The following OR1N2 variants were observed in gnomAD, a reference collection of about 807,000 sequenced individuals.
OR1N2 encodes the protein olfactory receptor 1N2.
For missense variants in OR1N2, 358 were observed against 380.2 expected, an observed-to-expected ratio of 0.94 and a Z score of 0.49; for synonymous variants, 152 against 149.3, an observed-to-expected ratio of 1.02 and a Z score of -0.13.
At position 122,553,404 on chromosome 9, in the gene OR1N2, T is replaced by C. The variant is rs767770738; in HGVS notation, c.193T>C (p.Phe65Leu). ...DPHLHTPMYF[F>L]LANLSLTDAC... Reference sequence around the variant, plus strand: ...ACACCTCCATACTCCCATGTACTTCTTTCTGGCCAACCTGTCATTAACTGA... The same window carrying C: ...ACACCTCCATACTCCCATGTACTTCCTTCTGGCCAACCTGTCATTAACTGA... Residue 65 changes from phenylalanine to leucine, a missense_variant, in exon 1 of 1, where the codon TTT becomes CTT. Physicochemically the swap from Phe to Leu is conservative, Grantham distance 22. Coordinates refer to ENST00000373688, the MANE Select transcript of OR1N2 (RefSeq NM_001004457.2). 4.3e-6 allele frequency: 7 copies of C among 1,614,054 alleles called. No homozygotes were observed. The highest frequency in any genetic ancestry group is 5.1e-6 in the Non-Finnish European group (6 of 1,180,032).
At position 122,553,973 on chromosome 9, in the gene OR1N2, CTATGGGTCTCT is replaced by C. The variant is rs1258363299; in HGVS notation, c.770_780del (p.Ser257CysfsTer16). On this transcript the variant is annotated frameshift_variant, in exon 1 of 1. Transcript: ENST00000373688. LOFTEE classifies it low-confidence loss of function (END_TRUNC). Reference sequence around the variant, plus strand: ...CTCATCTCACGGTGGTTCTGCTCTTCTATGGGTCTCTTATGGGTGTGTATTTACTTCCTCCA... The same window carrying C: ...CTCATCTCACGGTGGTTCTGCTCTTCTATGGGTGTGTATTTACTTCCTCCA... The C allele has an allele frequency of 4.3e-5, 70 of 1,613,750 alleles. No homozygotes were observed. The highest frequency in any genetic ancestry group is 5.7e-5 in the Non-Finnish European group (67 of 1,179,756).
In OR1N2 at chr9:122,553,467, G is replaced by A; in HGVS notation, c.256G>A (p.Ala86Thr). The change falls in exon 1 of 1, where the codon GCC becomes ACC. Residue 86 changes from alanine (A) to threonine (T), a missense_variant. By Grantham distance (58) the Ala-to-Thr change is moderately conservative (BLOSUM62 0). Coordinates refer to ENST00000373688, the MANE Select transcript of OR1N2 (RefSeq NM_001004457.2). ...TTCTGCCTCCATCCCCAAAATGCTG[G>A]CCAACATTCATACCCAGAGTCAGAT... The part of the protein sequence containing the change: ...FTSASIPKML[A>T]NIHTQSQIIS... 1 of 1,613,924 alleles carries A rather than the reference G, an allele frequency of 6.2e-7. No homozygotes were observed. Among genetic ancestry groups the A allele is most frequent in the South Asian group, 1.1e-5 (1 of 91,060 alleles).
In OR1N2 at chr9:122,553,222, C is replaced by G; in HGVS notation, c.11C>G (p.Pro4Arg). 2 of 1,613,542 alleles carry G rather than the reference C, an allele frequency of 1.2e-6. No homozygotes were observed. Among genetic ancestry groups the G allele is most frequent in the Non-Finnish European group, 1.7e-6 (2 of 1,179,602 alleles). ...CACGAACTACAAGGGATGGGAAAAC[C>G]AGGCAGAGTGAACCAAACCACTGTT... MGKPGRVNQTTVSD... is the reference protein window; with the variant it reads MGKRGRVNQTTVSD... Residue 4 changes from proline to arginine, a missense_variant, in exon 1 of 1, where the codon CCA (proline) becomes CGA (arginine). Physicochemically the swap from Pro to Arg is moderately radical, Grantham distance 103. Coordinates refer to ENST00000373688, the MANE Select transcript of OR1N2 (RefSeq NM_001004457.2).
chr9:122,553,280 G>A lies in OR1N2; in HGVS notation c.69G>A (p.Trp23Ter), dbSNP rs1348232030. The stretch of plus-strand genomic sequence containing the variant: ...TCCTCCTTCTAGGACTCTCTGAGTG[G>A]CCAGAGGAGCAGCCTCTTCTGTTTG... The part of the protein sequence containing the change: ...SDFLLLGLSE[W>*]PEEQPLLFGI... The change falls in exon 1 of 1, where the codon TGG becomes TGA. Residue 23 changes from tryptophan (W) to a stop codon, truncating the protein, a stop_gained. Coordinates refer to ENST00000373688, the MANE Select transcript of OR1N2 (RefSeq NM_001004457.2). LOFTEE classifies it low-confidence loss of function (END_TRUNC). The A allele has an allele frequency of 6.2e-7, 1 of 1,613,710 alleles. No individual in the cohort carries two copies. The highest frequency in any genetic ancestry group is 8.5e-7 in the Non-Finnish European group (1 of 1,179,794).
rs1829219602 is a variant in OR1N2 at position 122,553,434 on chromosome 9, T to C, written c.223T>C (p.Cys75Arg). 1.2e-6 allele frequency: 2 copies of C among 1,614,060 alleles called. No homozygotes were observed. The highest frequency in any genetic ancestry group is 2.7e-5 in the African/African-American group (2 of 74,920). ...GGCCAACCTGTCATTAACTGATGCCTGTTTCACTTCTGCCTCCATCCCCAA... is the reference window on the plus strand; with the variant it reads ...GGCCAACCTGTCATTAACTGATGCCCGTTTCACTTCTGCCTCCATCCCCAA... ...FLANLSLTDA[C>R]FTSASIPKML... The change falls in exon 1 of 1, where the codon TGT becomes CGT. Residue 75 changes from cysteine to arginine, a missense_variant. Cys to Arg is a radical substitution (Grantham distance 180, BLOSUM62 -3). Coordinates refer to ENST00000373688, the MANE Select transcript of OR1N2 (RefSeq NM_001004457.2).
In OR1N2 at chr9:122,553,256, C is replaced by T. The variant is rs141320124; in HGVS notation, c.45C>T (p.Phe15=). The T allele has an allele frequency of 1.8e-4, 291 of 1,613,700 alleles. No individual in the cohort carries two copies. The highest frequency in any genetic ancestry group is 2.3e-4 in the Non-Finnish European group (274 of 1,179,744). Residue 15 remains phenylalanine (F), a synonymous_variant, in exon 1 of 1, where the codon TTC becomes TTT. Transcript: ENST00000373688. The part of the protein sequence containing the change: ...GRVNQTTVSD[F]LLLGLSEWPE... ...TGAACCAAACCACTGTTTCAGACTT[C>T]CTCCTTCTAGGACTCTCTGAGTGGC...
Position 122,553,147 on chromosome 9 carries a change from A to G in OR1N2, c.-65A>G. The G allele has an allele frequency of 1.3e-5, 20 of 1,548,038 alleles. No individual in the cohort carries two copies. The highest frequency in any genetic ancestry group is 1.6e-5 in the Non-Finnish European group (18 of 1,140,246). On this transcript the variant is annotated 5_prime_UTR_variant, in exon 1 of 1. Coordinates refer to ENST00000373688, the MANE Select transcript of OR1N2 (RefSeq NM_001004457.2). The stretch of plus-strand genomic sequence containing the variant: ...CACACAGATGCATATCTGTAAATTG[A>G]TCTAATAAATAAATACTGACACATG...
At position 122,553,466 on chromosome 9, in the gene OR1N2, G is replaced by A. The variant is rs1465257523; in HGVS notation, c.255G>A (p.Leu85=). ...CFTSASIPKM[L]ANIHTQSQII... ...CTTCTGCCTCCATCCCCAAAATGCT[G>A]GCCAACATTCATACCCAGAGTCAGA... The change falls in exon 1 of 1, where the codon CTG becomes CTA. Residue 85 remains leucine (L), a synonymous_variant. Coordinates refer to ENST00000373688, the MANE Select transcript of OR1N2 (RefSeq NM_001004457.2). 10 of 1,613,980 alleles carry A rather than the reference G, an allele frequency of 6.2e-6. No individual in the cohort carries two copies. Among genetic ancestry groups the A allele is most frequent in the Non-Finnish European group, 8.5e-6 (10 of 1,179,992 alleles).
Position 122,554,163 on chromosome 9 carries a change from T to C in OR1N2, c.*1T>C, listed in dbSNP as rs138742249. ...CAGTGGAAAAACATTCTTTTTATGATTAGACATCTAGACGGTGATGTCTAA... is the reference window on the plus strand; with the variant it reads ...CAGTGGAAAAACATTCTTTTTATGACTAGACATCTAGACGGTGATGTCTAA... On this transcript the variant is annotated 3_prime_UTR_variant, in exon 1 of 1. Transcript: ENST00000373688. The C allele has an allele frequency of 2.2e-5, 35 of 1,606,706 alleles. No individual in the cohort carries two copies. In the East Asian group the frequency reaches 4.9e-4, roughly 23 times the overall value.
chr9:122,553,199 C>G lies in OR1N2; in HGVS notation c.-13C>G, dbSNP rs149923726. The G allele has an allele frequency of 6.2e-7, 1 of 1,611,678 alleles. No homozygotes were observed. The highest frequency in any genetic ancestry group is 8.5e-7 in the Non-Finnish European group (1 of 1,178,726). On this transcript the variant is annotated 5_prime_UTR_variant, in exon 1 of 1. Coordinates refer to ENST00000373688, the MANE Select transcript of OR1N2 (RefSeq NM_001004457.2). ...AAGGTTTTTATCTGCGCAGATCACA[C>G]GAACTACAAGGGATGGGAAAACCAG...
chr9:122,554,156 T>C lies in OR1N2; in HGVS notation c.945T>C (p.Phe315=), dbSNP rs144791791. The C allele has an allele frequency of 1.7e-5, 27 of 1,609,642 alleles. No homozygotes were observed. Among genetic ancestry groups the C allele is most frequent in the Non-Finnish European group, 2.3e-5 (27 of 1,177,576 alleles). ...TTTTTGTCAGTGGAAAAACATTCTTTTTATGATTAGACATCTAGACGGTGA... is the reference window on the plus strand; with the variant it reads ...TTTTTGTCAGTGGAAAAACATTCTTCTTATGATTAGACATCTAGACGGTGA... ...GKLFVSGKTF[F]L is the part of the protein sequence containing the mutation. The change falls in exon 1 of 1, where the codon TTT becomes TTC. Residue 315 remains phenylalanine (F), a synonymous_variant. Transcript: ENST00000373688.
Position 122,553,367 on chromosome 9 carries a change from C to G in OR1N2, c.156C>G (p.Ile52Met). The G allele has an allele frequency of 1.2e-6, 2 of 1,614,058 alleles. No individual in the cohort carries two copies. The highest frequency in any genetic ancestry group is 1.7e-6 in the Non-Finnish European group (2 of 1,179,970). ...GGAACCTGCTCATTATCCTGGCCAT[C>G]AGCTCTGACCCACACCTCCATACTC... ...MVGNLLIILA[I>M]SSDPHLHTPM... Residue 52 changes from isoleucine to methionine, a missense_variant, in exon 1 of 1, where the codon ATC becomes ATG. Transcript: ENST00000373688.
At position 122,553,939 on chromosome 9, in the gene OR1N2, C is replaced by A. The variant is rs1829234617; in HGVS notation, c.728C>A (p.Thr243Asn). 3 of 1,613,964 alleles carry A rather than the reference C, an allele frequency of 1.9e-6. No individual in the cohort carries two copies. Among genetic ancestry groups the A allele is most frequent in the African/African-American group, 1.3e-5 (1 of 75,020 alleles). Residue 243 changes from threonine to asparagine, a missense_variant, in exon 1 of 1, where the codon ACC (threonine) becomes AAC (asparagine). Thr to Asn is a moderately conservative substitution (Grantham distance 65). Transcript: ENST00000373688. ...SPGGRWKAFS[T>N]CGSHLTVVLL... ...GGAGGGAGATGGAAGGCCTTCTCTA[C>A]CTGTGGTTCTCATCTCACGGTGGTT...
Position 122,553,128 on chromosome 9 carries a change from G to C in OR1N2, c.-84G>C. On this transcript the variant is annotated 5_prime_UTR_variant, in exon 1 of 1. Transcript: ENST00000373688. ...CTCCCAGCACAGTTCTGGCCACACA[G>C]ATGCATATCTGTAAATTGATCTAAT... 1 of 1,437,422 alleles carries C rather than the reference G, an allele frequency of 7.0e-7. No homozygotes were observed. Among genetic ancestry groups the C allele is most frequent in the Non-Finnish European group, 9.5e-7 (1 of 1,049,642 alleles). 89.0% of individuals were successfully genotyped at this position (1,437,422 alleles called of 1,614,324 possible).
rs370067350 is a variant in OR1N2, at chr9:122,554,070, A to C, written c.859A>C (p.Thr287Pro). Residue 287 changes from threonine (T) to proline (P), a missense_variant, in exon 1 of 1, where the codon ACG becomes CCG. Physicochemically the swap from Thr to Pro is conservative, Grantham distance 38. Coordinates refer to ENST00000373688, the MANE Select transcript of OR1N2 (RefSeq NM_001004457.2). ...TGTTCTCTATATGGTGATTATTCCC[A>C]CGCTAAACCCATTCATTTATAGCTT... is the stretch of plus-strand genomic sequence containing the variant. Reference protein sequence around the residue: ...AAVLYMVIIPTLNPFIYSLRN... With the variant: ...AAVLYMVIIPPLNPFIYSLRN... 7.3e-5 allele frequency: 118 copies of C among 1,613,598 alleles called. No individual in the cohort carries two copies. The highest frequency in any genetic ancestry group is 9.4e-5 in the Non-Finnish European group (111 of 1,179,686).
Position 122,554,129 on chromosome 9 carries a change from AC to A in OR1N2, c.919del (p.Leu307PhefsTer12). 1 of 1,612,262 alleles carries A rather than the reference AC, an allele frequency of 6.2e-7. No individual in the cohort carries two copies. Among genetic ancestry groups the A allele is most frequent in the Non-Finnish European group, 8.5e-7 (1 of 1,179,294 alleles). Reference protein sequence around the residue: ...NRDMKEALGKLFVSGKTFFL With the variant: ...NRDMKEALGKXFVSGKTFFL ...GAGACATGAAGGAGGCTTTGGGTAA[AC>A]TTTTTGTCAGTGGAAAAACATTCTT... On this transcript the variant is annotated frameshift_variant, in exon 1 of 1. Transcript: ENST00000373688. LOFTEE classifies it low-confidence loss of function (END_TRUNC).
In OR1N2 at chr9:122,553,990, G is replaced by A; in HGVS notation, c.779G>A (p.Gly260Asp). 1 of 1,613,720 alleles carries A rather than the reference G, an allele frequency of 6.2e-7. No individual in the cohort carries two copies. Among genetic ancestry groups the A allele is most frequent in the Non-Finnish European group, 8.5e-7 (1 of 1,179,800 alleles). The change falls in exon 1 of 1, where the codon GGT (glycine) becomes GAT (aspartate). Residue 260 changes from glycine to aspartate, a missense_variant. Transcript: ENST00000373688. ...VVLLFYGSLM[G>D]VYLLPPSTYS... ...CTGCTCTTCTATGGGTCTCTTATGG[G>A]TGTGTATTTACTTCCTCCATCAACT...
At position 122,553,945 on chromosome 9, in the gene OR1N2, G is replaced by A. The variant is rs1829234707; in HGVS notation, c.734G>A (p.Gly245Asp). The change falls in exon 1 of 1, where the codon GGT becomes GAT. Residue 245 changes from glycine to aspartate, a missense_variant. Gly to Asp is a moderately conservative substitution (Grantham distance 94). Transcript: ENST00000373688. ...AGATGGAAGGCCTTCTCTACCTGTG[G>A]TTCTCATCTCACGGTGGTTCTGCTC... is the stretch of plus-strand genomic sequence containing the variant. ...GGRWKAFSTC[G>D]SHLTVVLLFY... is the part of the protein sequence containing the mutation. The A allele has an allele frequency of 1.2e-6, 2 of 1,613,902 alleles. No homozygotes were observed. Among genetic ancestry groups the A allele is most frequent in the Non-Finnish European group, 1.7e-6 (2 of 1,179,882 alleles).
Position 122,553,478 on chromosome 9 carries a change from T to C in OR1N2, c.267T>C (p.His89=). Residue 89 remains histidine (H), a synonymous_variant, in exon 1 of 1, where the codon CAT becomes CAC. Coordinates refer to ENST00000373688, the MANE Select transcript of OR1N2 (RefSeq NM_001004457.2). ...ASIPKMLANI[H]TQSQIISYSG... is the part of the protein sequence containing the mutation. ...TCCCCAAAATGCTGGCCAACATTCA[T>C]ACCCAGAGTCAGATCATCTCGTATT... is the stretch of plus-strand genomic sequence containing the variant. 6.2e-7 allele frequency: 1 copy of C among 1,614,072 alleles called. No homozygotes were observed. The highest frequency in any genetic ancestry group is 2.2e-5 in the East Asian group (1 of 44,874).
Sources: allele counts gnomAD v4.1 joint callset, GRCh38; gene constraint gnomAD v4.1.1; transcripts MANE v1.5; gene names NCBI Gene and HGNC (gene_info 2026-07-23, HGNC 2026-07-21).